The following RAPGEF4 variants were observed in gnomAD, a reference collection of about 807,000 sequenced individuals.
RAPGEF4 encodes RAP guanine-nucleotide-exchange factor (GEF) 4.
Under a neutral mutation model 147.9 loss-of-function variants are expected in RAPGEF4, and 66 were observed. The observed-to-expected ratio is 0.45, with a 90% CI of 0.37 to 0.55. The LOEUF (loss-of-function observed/expected upper bound fraction) is 0.55. Among genes scored for constraint, RAPGEF4 ranks in the 20% least tolerant of loss-of-function variants. The pLI, the probability that RAPGEF4 is intolerant of heterozygous loss-of-function variation, is 0.00. For synonymous variants in RAPGEF4, 419 were observed against 442.7 expected (o/e 0.95, Z 0.67); for missense variants, 1,071 against 1,257.3 (o/e 0.85, Z 2.24).
chr2:172,988,171 A>C (rs896181055), intron 12 of RAPGEF4, 25 bp from the exon 13 acceptor site: 1 of 1,586,856 alleles, frequency 6.3e-7, no homozygotes, highest in South Asian at 1.2e-5. Flanking sequence ...TCTTATCATA[A>C]GTCTTTTCAT....
chr2:172,821,451 G>A (rs1689052586), intron 4 of RAPGEF4: 1 of 505,764 alleles, frequency 2.0e-6, no homozygotes, highest in Admixed American at 6.4e-5. Context: ...TTACTTCTCA[G>A]GCCAGAAATT....
chr2:172,965,513 A>G (rs760773337), intron 8 of RAPGEF4, 49 bp from the exon 9 acceptor site: 17 of 1,586,108 alleles, frequency 1.1e-5, no homozygotes, highest in South Asian at 5.5e-5. Context: ...CCCATCCTCT[A>G]TCTGAAAAGG....
At position 172,856,087 on chromosome 2, in the gene RAPGEF4, G is replaced by A. The variant is rs1030759813; in HGVS notation, c.444+41662G>A. On this transcript the variant is annotated intron_variant, in intron 4 of 30. Transcript: ENST00000397081. ...CTATTCTCTGTCTTCTTGTCCTTCT[G>A]GAATTCCAGTTATACATATGCTGTT... 2.0e-5 allele frequency among the ~76,000 whole-genome samples: 3 copies of A among 151,932 alleles called. No individual in the cohort carries two copies. In the East Asian group the frequency reaches 5.8e-4, roughly 29 times the overall value.
chr2:172,802,194 T>C (rs1481782463), intron 3 of RAPGEF4, among the ~76,000 whole-genome samples: 2 of 152,222 alleles, frequency 1.3e-5, no homozygotes, highest in Non-Finnish European at 2.9e-5. Flanking sequence ...CTTTCCCAGA[T>C]TCTGCAATAG....
Position 172,924,239 on chromosome 2 carries a change from G to A in RAPGEF4, c.537+1939G>A, listed in dbSNP as rs546964044. ...TTCTAGGCTCCAAAAGGAAGTGGTC[G>A]CTCTTGGGCACCCAGTGACCTTTAG... is the stretch of plus-strand genomic sequence containing the variant. On this transcript the variant is annotated intron_variant, in intron 6 of 30. Transcript: ENST00000397081. 9.8e-5 allele frequency among the ~76,000 whole-genome samples: 15 copies of A among 152,320 alleles called. No individual in the cohort carries two copies. In the East Asian group the frequency reaches 2.3e-3, roughly 24 times the overall value.
At chr2:172,756,454 G>C (rs1383254088) in intron 1 of RAPGEF4, among the ~76,000 whole-genome samples, 1 of 152,044 alleles carries the variant, frequency 6.6e-6, no homozygotes, top group Non-Finnish European at 1.5e-5. Flanking sequence ...GAGCCTCCAG[G>C]GTCCATTTTC....
chr2:173,034,750 T>TGA (rs1449449687), intron 27 of RAPGEF4, among the ~76,000 whole-genome samples: 2 of 151,860 alleles, frequency 1.3e-5, no homozygotes, highest in Non-Finnish European at 2.9e-5. Context: ...GGCCTACACC[T>TGA]GTGGTCCCAG....
intron 4 of RAPGEF4, among the ~76,000 whole-genome samples, chr2:172,893,330 C>G (rs1011572222): frequency 5.9e-5 from 9 of 152,166 alleles, no homozygotes; most frequent in Non-Finnish European, 1.0e-4. Context: ...CAGCTGGGGC[C>G]CAGTTGGAGG....
At chr2:172,804,493 A>G (rs1199584737) in intron 3 of RAPGEF4, among the ~76,000 whole-genome samples, 5 of 152,164 alleles carry the variant, frequency 3.3e-5, no homozygotes, top group African/African-American at 7.2e-5. Context: ...GGAAACAGCT[A>G]TGCTGTTTCT....
Position 172,874,241 on chromosome 2 carries a change from G to A in RAPGEF4, c.445-43561G>A, listed in dbSNP as rs114972118. Among the ~76,000 whole-genome samples the A allele has an allele frequency of 8.8e-3, 1,342 of 151,954 alleles. 27 individuals carry two copies. Among genetic ancestry groups the A allele is most frequent in the African/African-American group, 0.031 (1,267 of 41,502 alleles). ...ATAAATAATTCTATTATAAAGACAC[G>A]TGCACGTGTATTTTTTTTAAATTAT... On this transcript the variant is annotated intron_variant, in intron 4 of 30. Coordinates refer to ENST00000397081, the MANE Select transcript of RAPGEF4 (RefSeq NM_007023.4).
chr2:172,900,595 A>G (rs2149956536), intron 4 of RAPGEF4, among the ~76,000 whole-genome samples: 1 of 152,346 alleles, frequency 6.6e-6, no homozygotes, highest in East Asian at 1.9e-4. Context: ...GGAATAACAC[A>G]AAGGACTTAC....
chr2:172,866,951 C>CTTTT (rs368474331), intron 4 of RAPGEF4, among the ~76,000 whole-genome samples: 22 of 139,754 alleles, frequency 1.6e-4, no homozygotes, highest in Non-Finnish European at 1.7e-4. Context: ...CAAAACTGCT[C>CTTTT]TTTTTTTTTT....
chr2:172,849,727 A>G (rs1323600607), intron 4 of RAPGEF4, among the ~76,000 whole-genome samples: 2 of 152,326 alleles, frequency 1.3e-5, no homozygotes, highest in South Asian at 4.1e-4. Context: ...TGCTTAGACC[A>G]CTAAGATCTC....
At chr2:172,866,928 G>A (rs1007044922) in intron 4 of RAPGEF4, among the ~76,000 whole-genome samples, 6 of 150,364 alleles carry the variant, frequency 4.0e-5, no homozygotes, top group African/African-American at 1.5e-4. Flanking sequence ...GAATGCGAAA[G>A]TCTTTTCTAT....
At chr2:172,907,459 G>A (rs1699740144) in intron 4 of RAPGEF4, among the ~76,000 whole-genome samples, 1 of 152,098 alleles carries the variant, frequency 6.6e-6, no homozygotes, top group African/African-American at 2.4e-5. Flanking sequence ...GGGCAGAAAG[G>A]CTTTGCTTGT....
intron 5 of RAPGEF4, 165 bp downstream of exon 5, chr2:172,918,039 G>C (rs1395957588): frequency 2.6e-6 from 2 of 763,142 alleles, no homozygotes; most frequent in Non-Finnish European, 4.8e-6. Flanking sequence ...TTAAAGAAAT[G>C]GTTAATATAG....
chr2:172,875,102 T>G (rs1485096557), intron 4 of RAPGEF4, among the ~76,000 whole-genome samples: 1 of 152,240 alleles, frequency 6.6e-6, no homozygotes, highest in African/African-American at 2.4e-5. Context: ...TTGTTTGTTT[T>G]TTTCTTGTAA....
intron 4 of RAPGEF4, among the ~76,000 whole-genome samples, chr2:172,864,479 C>G (rs1187177354): frequency 6.6e-6 from 1 of 152,122 alleles, no homozygotes; most frequent in African/African-American, 2.4e-5. Context: ...ACCTGAGGAA[C>G]CTCCAGTGTA....
At chr2:172,785,995 A>G (rs1315138383) in intron 1 of RAPGEF4, among the ~76,000 whole-genome samples, 1 of 152,218 alleles carries the variant, frequency 6.6e-6, no homozygotes, top group East Asian at 1.9e-4. Flanking sequence ...AAGCAACGGA[A>G]GTCATCGAGG....
Sources: allele counts gnomAD v4.1 joint callset (sites outside exome capture counted in the v4.1 genomes callset), GRCh38; gene constraint gnomAD v4.1.1; transcripts MANE v1.5; gene names NCBI Gene and HGNC (gene_info 2026-07-23, HGNC 2026-07-21).